Variants in RIC3 observed in about 807,000 individuals in gnomAD.
RIC3 encodes protein RIC-3.
In RIC3, 28 loss-of-function variants were observed where a neutral mutation model predicts 27.3. The ratio of observed to expected loss-of-function variants is 1.02; its 90% CI spans 0.76 to 1.41. The LOEUF (loss-of-function observed/expected upper bound fraction) is 1.41, where lower values mean the gene tolerates loss of function less well. Ranked by LOEUF, RIC3 falls within the 40% of genes most tolerant of loss-of-function variation. The probability of loss-of-function intolerance (pLI) is 0.00; values close to 1 mark genes in which losing one functional copy is unlikely to be tolerated. For missense variants in RIC3, 501 were observed against 444.7 expected, an observed-to-expected ratio of 1.13 and a Z score of -1.14; for synonymous variants, 184 against 160.4, an observed-to-expected ratio of 1.15 and a Z score of -1.11.
rs1344331246 is a variant in RIC3, at chr11:8,110,610, A to C, written c.*88T>G. 1.7e-6 allele frequency: 2 copies of C among 1,160,140 alleles called. No individual in the cohort carries two copies. Among genetic ancestry groups the C allele is most frequent in the African/African-American group, 1.5e-5 (1 of 66,214 alleles). 71.9% of individuals were successfully genotyped at this position (1,160,140 alleles called of 1,614,324 possible). ...CTATGACACTTGAACACAGTGAAGAAAGTGCAGGGCACAGGGCCAAGAAGG... is the reference window on the plus strand; with the variant it reads ...CTATGACACTTGAACACAGTGAAGACAGTGCAGGGCACAGGGCCAAGAAGG... On this transcript the variant is annotated 3_prime_UTR_variant, in exon 6 of 6. Coordinates refer to ENST00000309737, the MANE Select transcript of RIC3 (RefSeq NM_001206671.4).
At chr11:8,141,861 G>C (rs546776904) in intron 1 of RIC3, among the ~76,000 whole-genome samples, 1 of 152,014 alleles carries the variant, frequency 6.6e-6, no homozygotes, top group African/African-American at 2.4e-5. Context: ...TAGAACTCAG[G>C]ATTAAGAATC....
At chr11:8,098,726 A>G in the RIC3 span, 14 of 1,521,688 alleles carry the variant, frequency 9.2e-6, no homozygotes, top group African/African-American at 9.6e-5. Flanking sequence ...CAGAGGGTGC[A>G]TGACTCTATA....
At chr11:8,150,273 C>G (rs1950098237) in intron 1 of RIC3, among the ~76,000 whole-genome samples, 2 of 152,184 alleles carry the variant, frequency 1.3e-5, no homozygotes, top group Admixed American at 6.5e-5. Context: ...CTCCTCTTCT[C>G]TTCTCAATTT....
At chr11:8,119,126 C>T (rs532591742) in intron 5 of RIC3, among the ~76,000 whole-genome samples, 2 of 152,276 alleles carry the variant, frequency 1.3e-5, no homozygotes, top group East Asian at 3.9e-4. Context: ...AGAAAATACC[C>T]TTTAGCTGAA....
chr11:8,132,374 T>A (rs1271775263), intron 4 of RIC3, among the ~76,000 whole-genome samples: 2 of 152,184 alleles, frequency 1.3e-5, no homozygotes, highest in Admixed American at 1.3e-4. Flanking sequence ...ACATTCCTCC[T>A]CAAAAGCCTT....
At chr11:8,167,613 T>A (rs1282591707) in intron 1 of RIC3, among the ~76,000 whole-genome samples, 1 of 149,406 alleles carries the variant, frequency 6.7e-6, no homozygotes, top group African/African-American at 2.5e-5. Flanking sequence ...ATAGTACTTG[T>A]TCAAGATAAT....
At chr11:8,137,655 G>C (rs957160194) in intron 3 of RIC3, among the ~76,000 whole-genome samples, 184 bp from the exon 4 acceptor site, 1 of 152,206 alleles carries the variant, frequency 6.6e-6, no homozygotes, top group Non-Finnish European at 1.5e-5. Context: ...TGCAAAGTGT[G>C]ACTGGGATAT....
chr11:8,142,809 C>T (rs1392393684), intron 1 of RIC3, among the ~76,000 whole-genome samples: 10 of 99,028 alleles, frequency 1.0e-4, no homozygotes, highest in Non-Finnish European at 1.5e-4. Flanking sequence ...TCCAGCAGCA[C>T]ATCAAAAAGC....
At chr11:8,133,488 G>A (rs1030094013) in intron 4 of RIC3, among the ~76,000 whole-genome samples, 3 of 152,186 alleles carry the variant, frequency 2.0e-5, no homozygotes, top group African/African-American at 7.2e-5. Context: ...ATTTGGTAAA[G>A]AGCCAGGAGC....
Position 8,111,096 on chromosome 11 carries a change from A to G in RIC3, c.712T>C (p.Cys238Arg). 1 of 1,613,544 alleles carries G rather than the reference A, an allele frequency of 6.2e-7. No individual in the cohort carries two copies. Among genetic ancestry groups the G allele is most frequent in the East Asian group, 2.2e-5 (1 of 44,856 alleles). The change falls in exon 6 of 6, where the codon TGT becomes CGT. Residue 238 changes from cysteine (C) to arginine (R), a missense_variant. Cys to Arg is a radical substitution (Grantham distance 180). Transcript: ENST00000309737. ...ATTGTTTCTTGCCTACGCTTGATAC[A>G]GTCTGAAAGGTCATAAATTGGGTAA... ...ETYPIYDLSD[C>R]IKRRQETILV...
downstream of RIC3, chr11:8,101,093 G>GT (rs1944278816): frequency 5.7e-6 from 8 of 1,401,162 alleles, 1 homozygote; most frequent in South Asian, 9.1e-5. Context: ...ACTGGCTAGA[G>GT]TTTAAGAATG....
downstream of RIC3, chr11:8,102,526 A>C (rs1412103113): frequency 2.0e-5 from 3 of 152,244 alleles, no homozygotes; most frequent in African/African-American, 7.2e-5. Flanking sequence ...CTGACTGCAC[A>C]CAGCTAGGCA....
Position 8,110,596 on chromosome 11 carries a change from G to A in RIC3, c.*102C>T. 1 of 1,026,898 alleles carries A rather than the reference G, an allele frequency of 9.7e-7. No homozygotes were observed. Among genetic ancestry groups the A allele is most frequent in the South Asian group, 1.3e-5 (1 of 78,676 alleles). The allele number at this position is 1,026,898 out of a possible 1,614,324, so 63.6% of individuals were successfully genotyped here. A position where few individuals can be genotyped will look rare whatever the true frequency, so the allele number is the denominator to read the frequency against. ...TAGTGGCCTGATAGCTATGACACTT[G>A]AACACAGTGAAGAAAGTGCAGGGCA... is the stretch of plus-strand genomic sequence containing the variant. On this transcript the variant is annotated 3_prime_UTR_variant, in exon 6 of 6. Coordinates refer to ENST00000309737, the MANE Select transcript of RIC3 (RefSeq NM_001206671.4).
chr11:8,128,480 G>A (rs1466105643), intron 4 of RIC3: 6 of 340,770 alleles, frequency 1.8e-5, no homozygotes, highest in East Asian at 7.8e-5. Context: ...CATGCATTAT[G>A]CATTAATCAT....
the RIC3 span, chr11:8,097,128 T>C: frequency 7.4e-7 from 1 of 1,351,862 alleles, no homozygotes; most frequent in East Asian, 2.4e-5. Flanking sequence ...TCCTTCCCTC[T>C]CTCCCACCGC....
At chr11:8,099,929 C>T in the RIC3 span, among the ~76,000 whole-genome samples, 14 of 152,304 alleles carry the variant, frequency 9.2e-5, no homozygotes, top group East Asian at 3.9e-4. Flanking sequence ...CATGGGGCCA[C>T]GTGCAGGTGA....
At position 8,165,772 on chromosome 11, in the gene RIC3, T is replaced by A. The variant is rs557572926; in HGVS notation, c.124+3094A>T. ...ATGAAACCTGTTTTTTGGGGTTTTT[T>A]TTTTGTTTTGTTTTGTTTTTTTTTT... On this transcript the variant is annotated intron_variant, in intron 1 of 5. Coordinates refer to ENST00000309737, the MANE Select transcript of RIC3 (RefSeq NM_001206671.4). 2.6e-5 allele frequency among the ~76,000 whole-genome samples: 3 copies of A among 115,842 alleles called. 1 individual carries two copies. The highest frequency in any genetic ancestry group is 7.9e-5 in the African/African-American group (2 of 25,404). 76.0% of individuals were successfully genotyped at this position (115,842 alleles called of 152,430 possible).
chr11:8,099,683 A>G, the RIC3 span, among the ~76,000 whole-genome samples: 1 of 152,250 alleles, frequency 6.6e-6, no homozygotes, highest in Admixed American at 6.5e-5. Flanking sequence ...TATGTTCTTT[A>G]TAAACACTAA....
At chr11:8,154,481 A>G (rs1424161676) in intron 1 of RIC3, among the ~76,000 whole-genome samples, 1 of 152,180 alleles carries the variant, frequency 6.6e-6, no homozygotes, top group Non-Finnish European at 1.5e-5. Context: ...AAAGTCCTTT[A>G]TATTATGGGA....
Sources: allele counts gnomAD v4.1 joint callset (sites outside exome capture counted in the v4.1 genomes callset), GRCh38; gene constraint gnomAD v4.1.1; transcripts MANE v1.5; gene names NCBI Gene and HGNC (gene_info 2026-07-23, HGNC 2026-07-21).